HS6ST2: variants seen among roughly 807,000 people sequenced by gnomAD.
HS6ST2 encodes heparan-sulfate 6-O-sulfotransferase 2.
A neutral mutation model predicts 33.0 loss-of-function variants in HS6ST2; 17 were observed. The observed-to-expected ratio is 0.52, with a 90% CI of 0.35 to 0.77. The LOEUF (loss-of-function observed/expected upper bound fraction) is 0.77, where lower values mean the gene tolerates loss of function less well. Ranked by LOEUF, HS6ST2 falls within the 30% of genes least tolerant of loss-of-function variation. The pLI is 0.01. For missense variants in HS6ST2, 519 were observed against 551.7 expected, an observed-to-expected ratio of 0.94 and a Z score of 0.59; for synonymous variants, 248 against 237.1, an observed-to-expected ratio of 1.05 and a Z score of -0.42.
At chrX:132,926,670 C>T (rs2066713445) in intron 2 of HS6ST2, among the ~76,000 whole-genome samples, 1 of 112,353 alleles carries the variant, frequency 8.9e-6, no homozygotes, top group Admixed American at 9.4e-5. Context: ...CACCTATAAT[C>T]CTAGCACTTT....
intron 3 of HS6ST2, among the ~76,000 whole-genome samples, chrX:132,703,870 C>T (rs771246491): frequency 8.9e-6 from 1 of 111,817 alleles, no homozygotes; most frequent in South Asian, 3.8e-4. Flanking sequence ...GGCCATTGAA[C>T]AATTTGTGAC....
chrX:132,738,633 C>T, intron 2 of HS6ST2, among the ~76,000 whole-genome samples: 1 of 112,282 alleles, frequency 8.9e-6, no homozygotes, highest in Non-Finnish European at 1.9e-5. Context: ...CCTTATTGAA[C>T]AAGCAGCAGT....
chrX:132,888,129 T>C (rs1349233659), intron 2 of HS6ST2, among the ~76,000 whole-genome samples: 1 of 112,094 alleles, frequency 8.9e-6, no homozygotes, highest in African/African-American at 3.2e-5. Context: ...CATTAAATTG[T>C]ACAATTACAG....
chrX:132,923,728 T>C (rs1248212708), intron 2 of HS6ST2, among the ~76,000 whole-genome samples: 1 of 111,288 alleles, frequency 9.0e-6, no homozygotes, highest in Non-Finnish European at 1.9e-5. Flanking sequence ...CAGACAGCAT[T>C]TTAGGGGCTT....
chrX:132,715,105 G>A (rs1369409025), intron 2 of HS6ST2, among the ~76,000 whole-genome samples: 1 of 111,720 alleles, frequency 9.0e-6, no homozygotes, highest in Non-Finnish European at 1.9e-5. Context: ...TATCTTGTTC[G>A]ATTCAGAACT....
intron 2 of HS6ST2, among the ~76,000 whole-genome samples, chrX:132,767,786 C>A (rs1156626941): frequency 9.0e-6 from 1 of 111,141 alleles, no homozygotes; most frequent in Non-Finnish European, 1.9e-5. Context: ...TTAATTTCTG[C>A]TCCCCTTTGA....
intron 3 of HS6ST2, among the ~76,000 whole-genome samples, chrX:132,670,091 C>G (rs2063851936): frequency 9.5e-6 from 1 of 105,298 alleles, no homozygotes; most frequent in African/African-American, 3.9e-5. Context: ...CTGATTTCAT[C>G]AGGAAGATTT....
chrX:132,794,204 T>G (rs998494161), intron 2 of HS6ST2, among the ~76,000 whole-genome samples: 1 of 112,030 alleles, frequency 8.9e-6, no homozygotes, highest in Non-Finnish European at 1.9e-5. Context: ...TGGACTTAGA[T>G]GAAGGCTTCC....
chrX:132,679,756 G>C (rs938098763), intron 3 of HS6ST2, among the ~76,000 whole-genome samples: 1 of 108,413 alleles, frequency 9.2e-6, no homozygotes, highest in African/African-American at 3.4e-5. Flanking sequence ...CACGCCTGGG[G>C]GGGGGCCAGT....
At chrX:132,644,065 T>C (rs1487710322) in intron 4 of HS6ST2, among the ~76,000 whole-genome samples, 1 of 111,258 alleles carries the variant, frequency 9.0e-6, no homozygotes, top group African/African-American at 3.3e-5. Context: ...CTAAACGACA[T>C]TGCCCTTCTC....
At chrX:132,659,800 C>A (rs2063757679) in intron 4 of HS6ST2, among the ~76,000 whole-genome samples, 1 of 111,757 alleles carries the variant, frequency 8.9e-6, no homozygotes, top group Non-Finnish European at 1.9e-5. Context: ...GCTAATAACC[C>A]TTACTTTATA....
upstream of HS6ST2, among the ~76,000 whole-genome samples, chrX:132,959,426 A>G (rs2067126829): frequency 9.0e-6 from 1 of 111,180 alleles, no homozygotes; most frequent in South Asian, 3.8e-4. Context: ...TGAGTGTGCA[A>G]CTCCCTCCAG....
chrX:132,800,626 C>G (rs2065225483), intron 2 of HS6ST2, among the ~76,000 whole-genome samples: 1 of 110,669 alleles, frequency 9.0e-6, no homozygotes, highest in African/African-American at 3.3e-5. Context: ...ATATGCCTGC[C>G]TAAGCCCCAG....
At chrX:132,696,074 G>A (rs1246841984) in intron 3 of HS6ST2, among the ~76,000 whole-genome samples, 1 of 111,725 alleles carries the variant, frequency 9.0e-6, no homozygotes, top group Non-Finnish European at 1.9e-5. Flanking sequence ...CTGGCCTCCA[G>A]GAAGCTGGGC....
intron 2 of HS6ST2, among the ~76,000 whole-genome samples, chrX:132,907,784 C>T (rs138762940): frequency 1.0e-3 from 115 of 112,316 alleles, no homozygotes; most frequent in African/African-American, 3.7e-3. Flanking sequence ...TGAAATCGAT[C>T]GGAGACAGAA....
intron 2 of HS6ST2, among the ~76,000 whole-genome samples, chrX:132,773,865 C>T (rs1475491331): frequency 9.0e-6 from 1 of 111,498 alleles, no homozygotes; most frequent in African/African-American, 3.3e-5. Context: ...TATGGGATTT[C>T]CTATGGAGGT....
chrX:132,887,189 A>T (rs763898036), intron 2 of HS6ST2, among the ~76,000 whole-genome samples: 2 of 111,471 alleles, frequency 1.8e-5, no homozygotes, highest in East Asian at 5.6e-4. Flanking sequence ...TACATGCAGT[A>T]AAACTGTCCT....
At chrX:132,898,823 G>T (rs1301032456) in intron 2 of HS6ST2, among the ~76,000 whole-genome samples, 2 of 111,219 alleles carry the variant, frequency 1.8e-5, no homozygotes, top group South Asian at 3.8e-4. Context: ...GAGCTCTGGA[G>T]GTCTTCAGAT....
chrX:132,900,571 A>C (rs2066417801), intron 2 of HS6ST2, among the ~76,000 whole-genome samples: 1 of 111,293 alleles, frequency 9.0e-6, no homozygotes, highest in Non-Finnish European at 1.9e-5. Flanking sequence ...TTAATTAAAT[A>C]ATACTATATT....
Sources: allele counts gnomAD v4.1 joint callset (sites outside exome capture counted in the v4.1 genomes callset), GRCh38; gene constraint gnomAD v4.1.1; transcripts MANE v1.5; gene names NCBI Gene and HGNC (gene_info 2026-07-23, HGNC 2026-07-21).